The following GLS2 variants were observed in gnomAD, a reference collection of about 807,000 sequenced individuals.
GLS2 encodes glutaminase liver isoform, mitochondrial.
Under a neutral mutation model 79.0 loss-of-function variants are expected in GLS2, and 52 were observed. The observed-to-expected ratio is 0.66, with a 90% confidence interval of 0.53 to 0.83. The LOEUF (loss-of-function observed/expected upper bound fraction) is 0.83. GLS2 is among the 40% of genes least tolerant of loss of function. The pLI is 0.00. For missense variants in GLS2, 561 were observed against 764.8 expected (o/e 0.73, Z 3.14); for synonymous variants, 238 against 280.8 (o/e 0.85, Z 1.52).
At position 56,471,006 on chromosome 12, in the gene GLS2, T is replaced by C. The variant is rs1410650118; in HGVS notation, c.*481A>G. On this transcript the variant is annotated 3_prime_UTR_variant, in exon 18 of 18. Transcript: ENST00000311966. ...CAAAATACTTTCTCTGTCTATAAAATTGGCTGTTAGCAGTAGCAGCAGCAT... is the reference window on the plus strand; with the variant it reads ...CAAAATACTTTCTCTGTCTATAAAACTGGCTGTTAGCAGTAGCAGCAGCAT... 9.2e-6 allele frequency: 2 copies of C among 216,448 alleles called. No individual in the cohort carries two copies. Among genetic ancestry groups the C allele is most frequent in the East Asian group, 9.8e-5 (1 of 10,158 alleles). The allele number at this position is 216,448 out of a possible 1,614,324, so 13.4% of individuals were successfully genotyped here. A position where few individuals can be genotyped will look rare whatever the true frequency, so the allele number is the denominator to read the frequency against.
Position 56,472,155 on chromosome 12 carries a change from CAT to C in GLS2, c.1550_1551del (p.Tyr517Ter), listed in dbSNP as rs748734800. ...GCAACATGCAGAGCTGTGCGCGAGT[CAT>C]AGTCTTTCTGTTCCATATCCATGGC... The part of the protein sequence containing the change: ...LSAMDMEQKD[Y>X]DSRTALHVAA... On this transcript the variant is annotated frameshift_variant, in exon 16 of 18. Coordinates refer to ENST00000311966, the MANE Select transcript of GLS2 (RefSeq NM_013267.4). LOFTEE classifies it high-confidence loss of function. 3.1e-6 allele frequency: 5 copies of C among 1,614,150 alleles called. No homozygotes were observed. In the East Asian group the frequency reaches 8.9e-5, roughly 29 times the overall value.
At chr12:56,481,197 ATCT>A (rs1260841068) in intron 1 of GLS2, among the ~76,000 whole-genome samples, 3 of 98,834 alleles carry the variant, frequency 3.0e-5, no homozygotes, top group African/African-American at 9.8e-5. Flanking sequence ...TGTGCCAGTG[ATCT>A]TTTTTTTTTT....
intron 4 of GLS2, 171 bp from the exon 5 acceptor site, chr12:56,478,433 A>G (rs1870015748): frequency 6.2e-6 from 4 of 640,808 alleles, no homozygotes; most frequent in Non-Finnish European, 1.1e-5. Context: ...TAAGTCCTAG[A>G]AGGCCATATC....
At position 56,478,081 on chromosome 12, in the gene GLS2, G is replaced by A; in HGVS notation, c.630C>T (p.His210=). The change falls in exon 6 of 18, where the codon CAC becomes CAT. Residue 210 remains histidine (H), a synonymous_variant. Coordinates refer to ENST00000311966, the MANE Select transcript of GLS2 (RefSeq NM_013267.4). ...ACTGCAGGCAGAAGGGGATCTTTGT[G>A]TGGCCCACAGAGTGCCTGGAGGCAG... ...TVDGQRHSVG[H]TKIPFCLQSC... 6.2e-7 allele frequency: 1 copy of A among 1,614,104 alleles called. No homozygotes were observed.
intron 9 of GLS2, 157 bp downstream of exon 9, chr12:56,475,465 CAA>C (rs1869721227): frequency 1.3e-6 from 1 of 748,158 alleles, no homozygotes; most frequent in Non-Finnish European, 2.2e-6. Flanking sequence ...ACAAGATAAA[CAA>C]ATGTTTATGA....
intron 12 of GLS2, 190 bp downstream of exon 12, chr12:56,474,354 C>T: frequency 1.5e-6 from 1 of 680,178 alleles, no homozygotes; most frequent in Non-Finnish European, 2.4e-6. Flanking sequence ...CTCCCAAAGA[C>T]ATCTCTTTAT....
At chr12:56,477,435 G>A (rs573891695) in intron 7 of GLS2, 81 of 445,488 alleles carry the variant, frequency 1.8e-4, no homozygotes, top group Non-Finnish European at 2.8e-4. Flanking sequence ...TCATGGGTGG[G>A]GGCAGGGAAC....
Position 56,480,342 on chromosome 12 carries a change from G to A in GLS2, c.228C>T (p.Leu76=). The A allele has an allele frequency of 6.2e-7, 1 of 1,614,178 alleles. No homozygotes were observed. Among genetic ancestry groups the A allele is most frequent in the Non-Finnish European group, 8.5e-7 (1 of 1,180,022 alleles). Reference sequence around the variant, plus strand: ...CCTGTCCTTCAGCAATAGTGTAAAAGAGCAAATCACCCAGGCGGGACAGCA... The same window carrying A: ...CCTGTCCTTCAGCAATAGTGTAAAAAAGCAAATCACCCAGGCGGGACAGCA... ...SGMLSRLGDL[L]FYTIAEGQER... is the part of the protein sequence containing the mutation. The change falls in exon 2 of 18, where the codon CTC becomes CTT. Residue 76 remains leucine, a synonymous_variant. Transcript: ENST00000311966.
chr12:56,474,661 G>A lies in GLS2; in HGVS notation c.1107C>T (p.Asn369=), dbSNP rs140798971. Residue 369 remains asparagine (N), a synonymous_variant, in exon 12 of 18, where the codon AAC becomes AAT. Coordinates refer to ENST00000311966, the MANE Select transcript of GLS2 (RefSeq NM_013267.4). ...CGCCTGTGATGGGGCAGATCCCACC[G>A]TTGGCGAGGGTGGCTGCCATGACAC... ...SGSVMAATLA[N]GGICPITGES... 1.5e-4 allele frequency: 236 copies of A among 1,613,580 alleles called. No homozygotes were observed. The highest frequency in any genetic ancestry group is 1.9e-4 in the Non-Finnish European group (228 of 1,179,684).
rs79051166 is a variant in GLS2 at position 56,470,994 on chromosome 12, C to G, written c.*493G>C. 0.018 allele frequency: 3,415 copies of G among 194,552 alleles called. 136 individuals carry two copies. The highest frequency in any genetic ancestry group is 0.074 in the African/African-American group (3,206 of 43,322). 12.1% of individuals were successfully genotyped at this position (194,552 alleles called of 1,614,324 possible). On this transcript the variant is annotated 3_prime_UTR_variant, in exon 18 of 18. Coordinates refer to ENST00000311966, the MANE Select transcript of GLS2 (RefSeq NM_013267.4). The stretch of plus-strand genomic sequence containing the variant: ...TTTATTTGAACACAAAATACTTTCT[C>G]TGTCTATAAAATTGGCTGTTAGCAG...
chr12:56,479,419 AC>A, intron 3 of GLS2: 1 of 474,920 alleles, frequency 2.1e-6, no homozygotes, highest in Non-Finnish European at 3.6e-6. Flanking sequence ...AAAAATAAAT[AC>A]CAGAATAATA....
In GLS2 at chr12:56,475,097, T is replaced by C; in HGVS notation, c.943A>G (p.Lys315Glu). ...GCATAATTCCGATCCCCTGTTTCCTTCTCTGACTGGAATCTGAAGCAAACA... is the reference window on the plus strand; with the variant it reads ...GCATAATTCCGATCCCCTGTTTCCTCCTCTGACTGGAATCTGAAGCAAACA... Reference protein sequence around the residue: ...GFSNATFQSEKETGDRNYAIG... With the variant: ...GFSNATFQSEEETGDRNYAIG... Residue 315 changes from lysine (K) to glutamate (E), a missense_variant, in exon 10 of 18, where the codon AAG becomes GAG. By Grantham distance (56) the Lys-to-Glu change is moderately conservative. Around this residue, in one of 4 missense-constraint regions of GLS2, gnomAD observed 221 missense variants for 275.6 expected, o/e 0.80. Transcript: ENST00000311966. The C allele has an allele frequency of 6.2e-7, 1 of 1,614,118 alleles. No homozygotes were observed. Among genetic ancestry groups the C allele is most frequent in the Non-Finnish European group, 8.5e-7 (1 of 1,180,024 alleles).
chr12:56,471,495 T>C lies in GLS2; in HGVS notation c.1801A>G (p.Met601Val). The change falls in exon 18 of 18, where the codon ATG becomes GTG. Residue 601 changes from methionine (M) to valine (V), a missense_variant. Coordinates refer to ENST00000311966, the MANE Select transcript of GLS2 (RefSeq NM_013267.4). ...EALSKENLES[M>V]V ...CTGTCCATGACCTGTGCTCATACCA[T>C]GCTTTCTAAGTTCTCTTTGGACAGG... The C allele has an allele frequency of 6.2e-7, 1 of 1,613,126 alleles. No homozygotes were observed.
chr12:56,473,681 A>G (rs550354369), intron 12 of GLS2, 87 bp from the exon 13 acceptor site: 2 of 1,484,330 alleles, frequency 1.3e-6, no homozygotes, highest in South Asian at 2.8e-5. Flanking sequence ...TAACAAGTTT[A>G]CAAATGACTG....
At chr12:56,480,180 C>T in intron 2 of GLS2, 108 bp downstream of exon 2, 1 of 948,512 alleles carries the variant, frequency 1.1e-6, no homozygotes, top group Non-Finnish European at 1.6e-6. Flanking sequence ...GTATGCTTCA[C>T]CCTCATGTAG....
intron 1 of GLS2, among the ~76,000 whole-genome samples, chr12:56,486,790 G>A (rs1256474656): frequency 6.6e-6 from 1 of 152,218 alleles, no homozygotes; most frequent in Non-Finnish European, 1.5e-5. Context: ...AACCCAGGAG[G>A]TGGAGATTGC....
rs1193791733 is a variant in GLS2, at chr12:56,471,395, G to T, written c.*92C>A. 2.9e-6 allele frequency: 4 copies of T among 1,368,548 alleles called. No individual in the cohort carries two copies. The East Asian group carries it at 7.0e-5, about 24-fold the overall frequency. The allele number at this position is 1,368,548 out of a possible 1,614,324, so 84.8% of individuals were successfully genotyped here. On this transcript the variant is annotated 3_prime_UTR_variant, in exon 18 of 18. Transcript: ENST00000311966. ...TGACTGCTTGGTCCCCACTGAAGCA[G>T]TGTAGCTCTCCATAGTATTTTTGGT...
intron 16 of GLS2, 75 bp from the exon 17 acceptor site, chr12:56,471,911 G>A (rs111689036): frequency 6.7e-7 from 1 of 1,493,780 alleles, no homozygotes; most frequent in Non-Finnish European, 9.3e-7. Context: ...AGCCACTGAA[G>A]TCTTTACCAA....
In GLS2 at chr12:56,472,174, A is replaced by G; in HGVS notation, c.1533T>C (p.Asp511=). 1 of 1,614,168 alleles carries G rather than the reference A, an allele frequency of 6.2e-7. No homozygotes were observed. The highest frequency in any genetic ancestry group is 8.5e-7 in the Non-Finnish European group (1 of 1,180,028). Reference sequence around the variant, plus strand: ...GCGAGTCATAGTCTTTCTGTTCCATATCCATGGCTGACAAGGCAAACCTGA... The same window carrying G: ...GCGAGTCATAGTCTTTCTGTTCCATGTCCATGGCTGACAAGGCAAACCTGA... ...ALRRFALSAM[D]MEQKDYDSRT... The change falls in exon 16 of 18, where the codon GAT becomes GAC. Residue 511 remains aspartate (D), a synonymous_variant. Coordinates refer to ENST00000311966, the MANE Select transcript of GLS2 (RefSeq NM_013267.4).
Sources: allele counts gnomAD v4.1 joint callset (sites outside exome capture counted in the v4.1 genomes callset), GRCh38; gene constraint gnomAD v4.1.1; regional missense constraint gnomAD v4.1.1; transcripts MANE v1.5; gene names NCBI Gene and HGNC (gene_info 2026-07-23, HGNC 2026-07-21).